The following CHD6 variants were observed in gnomAD, a reference collection of about 807,000 sequenced individuals.
CHD6 encodes the protein chromodomain helicase DNA binding protein 6.
Under a neutral mutation model 276.9 loss-of-function variants are expected in CHD6, and 50 were observed. That is an observed-to-expected ratio of 0.18 (90% CI 0.14 to 0.23). The LOEUF (loss-of-function observed/expected upper bound fraction) is 0.23, where lower values mean the gene tolerates loss of function less well. Ranked by LOEUF, CHD6 falls within the 10% of genes least tolerant of loss-of-function variation. The pLI is 1.00. For synonymous variants in CHD6, 1,173 were observed against 1,229.3 expected (o/e 0.95, Z 0.96); for missense variants, 2,564 against 3,365.8 (o/e 0.76, Z 5.89).
chr20:41,538,788 A>C (rs1013290147), intron 2 of CHD6, among the ~76,000 whole-genome samples: 1 of 152,206 alleles, frequency 6.6e-6, no homozygotes, highest in Admixed American at 6.5e-5. Context: ...TGTTGCCTCA[A>C]CATCCATTTT....
At chr20:41,506,058 T>C (rs1172545275) in intron 5 of CHD6, among the ~76,000 whole-genome samples, 1 of 152,110 alleles carries the variant, frequency 6.6e-6, no homozygotes, top group Admixed American at 6.6e-5. Flanking sequence ...GTTGGCTCTA[T>C]CTTCAAAGTA....
chr20:41,451,549 A>G (rs1414747563), intron 22 of CHD6, among the ~76,000 whole-genome samples: 1 of 152,180 alleles, frequency 6.6e-6, no homozygotes, highest in Non-Finnish European at 1.5e-5. Flanking sequence ...GTGCATCCCT[A>G]ATTCAGAGGG....
intron 1 of CHD6, among the ~76,000 whole-genome samples, chr20:41,572,342 T>TGCACAAA (rs1226833451): frequency 6.6e-6 from 1 of 152,182 alleles, no homozygotes; most frequent in Non-Finnish European, 1.5e-5. Context: ...GCCTACCACA[T>TGCACAAA]GCACAAAGCA....
intron 17 of CHD6, 151 bp from the exon 18 acceptor site, chr20:41,457,579 C>A: frequency 1.0e-6 from 1 of 963,354 alleles, no homozygotes; most frequent in Non-Finnish European, 1.5e-6. Flanking sequence ...AATTTATACC[C>A]AAAGGTTGGC....
intron 15 of CHD6, 95 bp downstream of exon 15, chr20:41,484,257 A>G: frequency 7.1e-7 from 1 of 1,399,970 alleles, no homozygotes; most frequent in Non-Finnish European, 1.0e-6. Context: ...ATCCTAGCAT[A>G]TAATGAAAAT....
chr20:41,611,307 T>C (rs1056976237), intron 1 of CHD6, among the ~76,000 whole-genome samples: 1 of 152,354 alleles, frequency 6.6e-6, no homozygotes, highest in Middle Eastern at 3.4e-3. Flanking sequence ...TCTAGAGCTG[T>C]GCTGTCTAAT....
At chr20:41,496,262 A>T (rs2043682964) in intron 8 of CHD6, among the ~76,000 whole-genome samples, 1 of 152,204 alleles carries the variant, frequency 6.6e-6, no homozygotes, top group Non-Finnish European at 1.5e-5. Flanking sequence ...CTCATTTCAG[A>T]ACCAGAAAGA....
At chr20:41,485,527 T>C (rs981206747) in intron 14 of CHD6, 8 of 152,328 alleles carry the variant, frequency 5.3e-5, no homozygotes, top group African/African-American at 7.2e-5. Context: ...TAAAGTGATT[T>C]ACAGAGAGTG....
chr20:41,419,293 C>T (rs1390020464), intron 31 of CHD6, among the ~76,000 whole-genome samples: 1 of 151,830 alleles, frequency 6.6e-6, no homozygotes, highest in Non-Finnish European at 1.5e-5. Flanking sequence ...AGCTAGATAA[C>T]CTGAGGCTGG....
Position 41,416,805 on chromosome 20 carries a change from G to A in CHD6, c.6280-11C>T, listed in dbSNP as rs2047013901. 2 of 1,523,486 alleles carry A rather than the reference G, an allele frequency of 1.3e-6. No individual in the cohort carries two copies. The highest frequency in any genetic ancestry group is 2.8e-5 in the African/African-American group (2 of 72,106). The allele number at this position is 1,523,486 out of a possible 1,614,324, so 94.4% of individuals were successfully genotyped here. A position where few individuals can be genotyped will look rare whatever the true frequency, so the allele number is the denominator to read the frequency against. ...AATTATCACGCGGTCCTAGAAAAAA[G>A]GATAAAGCTCTGATGAATAAGGATC... On this transcript the variant is annotated splice_polypyrimidine_tract_variant and intron_variant, in intron 32 of 36. Coordinates refer to ENST00000373233, the MANE Select transcript of CHD6 (RefSeq NM_032221.5).
rs58822735 is a variant in CHD6, at chr20:41,441,375, G to A, written c.3878-1246C>T. ...AGAACCACTCTCACCCTTTCCCCAC[G>A]TTCCTGCCCCACCTCACATCAAACA... On this transcript the variant is annotated intron_variant, in intron 25 of 36. Transcript: ENST00000373233. Among the ~76,000 whole-genome samples the A allele has an allele frequency of 4.5e-3, 688 of 152,080 alleles. 5 individuals carry two copies. The highest frequency in any genetic ancestry group is 0.016 in the African/African-American group (654 of 41,502).
In CHD6 at chr20:41,452,698, C is replaced by G. The variant is rs751550545; in HGVS notation, c.3323+42G>C. On this transcript the variant is annotated intron_variant, in intron 21 of 36. Transcript: ENST00000373233. The surrounding 1 kb of genome is among the most constrained non-coding windows in gnomAD (Gnocchi z 4.2). Reference sequence around the variant, plus strand: ...TCAGGGACTGAAAAACAGAGGGGAACAAACAACAATAACAACAAAACTAAG... The same window carrying G: ...TCAGGGACTGAAAAACAGAGGGGAAGAAACAACAATAACAACAAAACTAAG... The G allele has an allele frequency of 7.0e-6, 11 of 1,565,754 alleles. No individual in the cohort carries two copies. In the African/African-American group the frequency reaches 1.5e-4, roughly 21 times the overall value.
chr20:41,463,657 A>G (rs1249776695), intron 17 of CHD6, among the ~76,000 whole-genome samples: 1 of 152,220 alleles, frequency 6.6e-6, no homozygotes, highest in African/African-American at 2.4e-5. Context: ...CTTGAAGGTC[A>G]TAAAATAAAA....
At chr20:41,462,210 T>C (rs771023335) in intron 17 of CHD6, among the ~76,000 whole-genome samples, 1 of 152,222 alleles carries the variant, frequency 6.6e-6, no homozygotes, top group Non-Finnish European at 1.5e-5. Context: ...CAAATTATGA[T>C]TGAAGAATTT....
chr20:41,576,728 ACCTC>A (rs1003121623), intron 1 of CHD6, among the ~76,000 whole-genome samples: 5 of 152,190 alleles, frequency 3.3e-5, no homozygotes, highest in African/African-American at 1.2e-4. Flanking sequence ...AGATGAGTAC[ACCTC>A]AGTCAGCACC....
chr20:41,475,669 C>T (rs1006440636), intron 16 of CHD6, among the ~76,000 whole-genome samples: 3 of 152,262 alleles, frequency 2.0e-5, no homozygotes, highest in African/African-American at 4.8e-5. Flanking sequence ...ATTTCCCCCC[C>T]TCTACCCTCC....
intron 2 of CHD6, among the ~76,000 whole-genome samples, chr20:41,539,745 A>C (rs6072411): frequency 6.6e-6 from 1 of 152,202 alleles, no homozygotes; most frequent in African/African-American, 2.4e-5. Context: ...AGGATTATAT[A>C]TAAGAATATC....
intron 1 of CHD6, among the ~76,000 whole-genome samples, chr20:41,615,202 A>T (rs2045923222): frequency 1.3e-5 from 2 of 152,250 alleles, no homozygotes; most frequent in African/African-American, 4.8e-5. Context: ...TCTGAGCTGC[A>T]GCCCAGTCTC....
intron 1 of CHD6, among the ~76,000 whole-genome samples, chr20:41,556,206 A>C (rs2045232930): frequency 6.6e-6 from 1 of 151,946 alleles, no homozygotes. Context: ...GCAGCAGTAC[A>C]GTCCAGCTTT....
Sources: gnomAD v4.1 joint callset for allele counts (sites outside exome capture counted in the v4.1 genomes callset) on GRCh38, gnomAD v4.1.1 for gene constraint, Gnocchi (gnomAD v3.1) non-coding constraint, MANE v1.5 for transcripts, NCBI Gene and HGNC (gene_info 2026-07-23, HGNC 2026-07-21) for gene names.